The following MAP4 variants were observed in gnomAD, a reference collection of about 807,000 sequenced individuals.
MAP4 encodes the protein microtubule associated protein 4.
MAP4 carries 76 observed loss-of-function variants against 170.2 expected under a neutral mutation model. The observed-to-expected ratio is 0.45, with a 90% confidence interval of 0.37 to 0.54. The LOEUF is 0.54. MAP4 is among the 20% of genes least tolerant of loss of function. The probability of loss-of-function intolerance (pLI) is 0.00; values close to 1 mark genes in which losing one functional copy is unlikely to be tolerated. For synonymous variants in MAP4, 909 were observed against 994.5 expected (o/e 0.91, Z 1.62); for missense variants, 2,506 against 2,748.0 (o/e 0.91, Z 1.97).
chr3:47,938,372 AAAAAAAG>A (rs975788234), intron 3 of MAP4, among the ~76,000 whole-genome samples: 3 of 152,048 alleles, frequency 2.0e-5, no homozygotes, highest in African/African-American at 7.2e-5. Flanking sequence ...GTCTCAAAGG[AAAAAAAG>A]AAAAAAGGGA....
Position 48,042,555 on chromosome 3 carries a change from A to G in MAP4, c.-19-43676T>C, listed in dbSNP as rs560591728. ...CCAGAAAAATGAAAGTCAAAACCAC[A>G]ATGAGATCCTACACCCAGTAGCATG... On this transcript the variant is annotated intron_variant, in intron 1 of 18. Transcript: ENST00000360240. 1.9e-4 allele frequency among the ~76,000 whole-genome samples: 29 copies of G among 152,202 alleles called. No individual in the cohort carries two copies. In the South Asian group the frequency reaches 6.0e-3, roughly 32 times the overall value.
At chr3:47,929,173 G>A (rs967912559) in intron 3 of MAP4, among the ~76,000 whole-genome samples, 2 of 152,116 alleles carry the variant, frequency 1.3e-5, no homozygotes, top group African/African-American at 4.8e-5. Flanking sequence ...TGACCAACAT[G>A]GTGAAACCCT....
At chr3:47,896,121 T>G (rs2100026689) in intron 10 of MAP4, among the ~76,000 whole-genome samples, 1 of 152,104 alleles carries the variant, frequency 6.6e-6, no homozygotes, top group Admixed American at 6.5e-5. Flanking sequence ...CCCAGGGGTC[T>G]GAGTACAACA....
chr3:48,020,385 G>A (rs1579309217), upstream of MAP4, among the ~76,000 whole-genome samples: 1 of 152,154 alleles, frequency 6.6e-6, no homozygotes, highest in East Asian at 1.9e-4. Context: ...GCCTTCTCTT[G>A]CTGGGGTTGA....
chr3:47,912,049 T>C lies in MAP4; in HGVS notation c.2372A>G (p.Asp791Gly). 6.5e-7 allele frequency: 1 copy of C among 1,536,190 alleles called. No individual in the cohort carries two copies. The highest frequency in any genetic ancestry group is 8.7e-7 in the Non-Finnish European group (1 of 1,146,920). ...SQPRAGGPSD[D>G]DNADKPKGHP... Reference sequence around the variant, plus strand: ...ACCTTTAGGCTTATCTGCATTGTCATCATCCGAAGGTCCTCCAGCCCGTGG... The same window carrying C: ...ACCTTTAGGCTTATCTGCATTGTCACCATCCGAAGGTCCTCCAGCCCGTGG... Residue 791 changes from aspartate to glycine, a missense_variant, in exon 9 of 21, where the codon GAT becomes GGT. By Grantham distance (94) the Asp-to-Gly change is moderately conservative. Coordinates refer to ENST00000683076, the MANE Select transcript of MAP4 (RefSeq NM_001385682.1).
In MAP4 at chr3:48,083,374, A is replaced by G. The variant is rs186213656; in HGVS notation, c.-20+5399T>C. 1.1e-3 allele frequency among the ~76,000 whole-genome samples: 160 copies of G among 152,268 alleles called. 1 individual carries two copies. Among genetic ancestry groups the G allele is most frequent in the Middle Eastern group, 3.4e-3 (1 of 294 alleles). On this transcript the variant is annotated intron_variant, in intron 1 of 18. Transcript: ENST00000360240. ...AGAAGTGAGGAAAGTTATAAATAAA[A>G]AAATTTATTTTTTGAGACAGTCTCG...
intron 1 of MAP4, among the ~76,000 whole-genome samples, chr3:48,025,939 CAAT>C (rs1277225341): frequency 5.8e-5 from 4 of 69,084 alleles, no homozygotes; most frequent in African/African-American, 1.8e-4. Context: ...ATAATAATAA[CAAT>C]AATAATAATA....
chr3:47,906,020 A>C (rs1425724608), intron 9 of MAP4, among the ~76,000 whole-genome samples: 2 of 151,702 alleles, frequency 1.3e-5, no homozygotes, highest in Non-Finnish European at 2.9e-5. Context: ...CAAACAAAAA[A>C]CAGCACACAC....
chr3:48,024,127 T>G (rs2100111910), intron 1 of MAP4, among the ~76,000 whole-genome samples: 1 of 152,064 alleles, frequency 6.6e-6, no homozygotes, highest in Non-Finnish European at 1.5e-5. Flanking sequence ...CAGGCCAACA[T>G]GGTGAAATCC....
intron 10 of MAP4, chr3:47,891,718 G>A: frequency 2.6e-6 from 4 of 1,536,680 alleles, no homozygotes; most frequent in Non-Finnish European, 3.5e-6. Context: ...GTTCCTGGGT[G>A]AACACCATAG....
At chr3:47,975,930 C>T (rs1292897566) in intron 3 of MAP4, among the ~76,000 whole-genome samples, 1 of 152,042 alleles carries the variant, frequency 6.6e-6, no homozygotes, top group African/African-American at 2.4e-5. Flanking sequence ...GCTGGGACTA[C>T]AGGCACGTGC....
intron 1 of MAP4, among the ~76,000 whole-genome samples, chr3:48,059,044 G>A (rs991784857): frequency 1.3e-5 from 2 of 152,112 alleles, no homozygotes; most frequent in Non-Finnish European, 2.9e-5. Context: ...CTCCCAAAGT[G>A]CTGAGATTAC....
chr3:47,977,802 T>A, intron 3 of MAP4, 63 bp downstream of exon 3: 3 of 1,082,216 alleles, frequency 2.8e-6, no homozygotes, highest in Middle Eastern at 2.0e-4. Context: ...TCAAAGGAGA[T>A]TATCAAGGTG....
chr3:47,998,777 T>C lies in MAP4; in HGVS notation c.84A>G (p.Thr28=), dbSNP rs759058536. The change falls in exon 2 of 21, where the codon ACA becomes ACG. Residue 28 remains threonine (T), a synonymous_variant. Coordinates refer to ENST00000683076, the MANE Select transcript of MAP4 (RefSeq NM_001385682.1). ...CATCATCAAAGGCCTCTGCCTCTAG[T>C]GTGGCAATGAAGTCCCGCTTTATCT... ...EGEIKRDFIA[T]LEAEAFDDVV... The C allele has an allele frequency of 5.3e-5, 85 of 1,613,846 alleles. No homozygotes were observed. The highest frequency in any genetic ancestry group is 3.3e-5 in the South Asian group (3 of 91,088).
intron 1 of MAP4, among the ~76,000 whole-genome samples, chr3:48,082,543 T>C (rs1211118352): frequency 6.6e-6 from 1 of 152,230 alleles, no homozygotes; most frequent in African/African-American, 2.4e-5. Context: ...GGCTCATGCC[T>C]GCTATCCTAG....
At chr3:48,034,708 A>T (rs1053976741) in intron 1 of MAP4, among the ~76,000 whole-genome samples, 2 of 151,780 alleles carry the variant, frequency 1.3e-5, no homozygotes, top group Non-Finnish European at 2.9e-5. Flanking sequence ...GTATCCAAAA[A>T]ATAAAAAATT....
intron 1 of MAP4, among the ~76,000 whole-genome samples, chr3:48,069,740 ACT>A (rs2100140068): frequency 6.6e-6 from 1 of 152,166 alleles, no homozygotes; most frequent in South Asian, 2.1e-4. Flanking sequence ...AGCCACTGAC[ACT>A]CTTAAAATAT....
chr3:47,892,840 G>C (rs2100024745), intron 10 of MAP4: 6 of 1,062,066 alleles, frequency 5.6e-6, no homozygotes, highest in Non-Finnish European at 6.8e-6. Context: ...ACTAAGGATA[G>C]TAATTATTTT....
At chr3:48,025,903 AAATAATAATAATAAT>A (rs10645414) in intron 1 of MAP4, among the ~76,000 whole-genome samples, 29 of 140,256 alleles carry the variant, frequency 2.1e-4, no homozygotes, top group East Asian at 1.3e-3. Flanking sequence ...TCTGCCTCAA[AAATAATAATAATAAT>A]AATAATAATA....
Sources: allele counts gnomAD v4.1 joint callset (sites outside exome capture counted in the v4.1 genomes callset), GRCh38; gene constraint gnomAD v4.1.1; transcripts MANE v1.5; gene names NCBI Gene and HGNC (gene_info 2026-07-23, HGNC 2026-07-21).